ALK: variants seen among roughly 807,000 people sequenced by gnomAD.
ALK encodes the protein ALK tyrosine kinase receptor.
A neutral mutation model predicts 163.1 loss-of-function variants in ALK; 74 were observed. The observed-to-expected ratio is 0.45, with a 90% confidence interval of 0.38 to 0.55. The LOEUF is 0.55. Ranked by LOEUF, ALK falls within the 20% of genes least tolerant of loss-of-function variation. ALK has a pLI of 0.00. For synonymous variants in ALK, 960 were observed against 843.2 expected, an observed-to-expected ratio of 1.14 and a Z score of -2.40; for missense variants, 2,063 against 2,105.3, an observed-to-expected ratio of 0.98 and a Z score of 0.39.
At chr2:29,466,754 A>G (rs1671223525) in intron 4 of ALK, among the ~76,000 whole-genome samples, 1 of 152,244 alleles carries the variant, frequency 6.6e-6, no homozygotes, top group African/African-American at 2.4e-5. Flanking sequence ...AAAGCTGAAG[A>G]GTTTGTTTTG....
chr2:29,487,299 G>A (rs916624033), intron 4 of ALK, among the ~76,000 whole-genome samples: 7 of 152,168 alleles, frequency 4.6e-5, no homozygotes, highest in African/African-American at 9.7e-5. Context: ...AGAGGACAGC[G>A]ATTGAGCCTG....
chr2:29,229,111 T>C, intron 15 of ALK, 45 bp from the exon 16 acceptor site: 1 of 1,581,368 alleles, frequency 6.3e-7, no homozygotes, highest in Non-Finnish European at 8.7e-7. Flanking sequence ...CTGGCAAGGT[T>C]CAATTAGCCA....
At chr2:29,403,331 CCA>C (rs1434666996) in intron 4 of ALK, among the ~76,000 whole-genome samples, 1 of 152,120 alleles carries the variant, frequency 6.6e-6, no homozygotes, top group Non-Finnish European at 1.5e-5. Context: ...GTTCAATTTG[CCA>C]CAGACTCACC....
At chr2:29,880,231 C>A (rs561150257) in intron 1 of ALK, among the ~76,000 whole-genome samples, 3 of 152,322 alleles carry the variant, frequency 2.0e-5, no homozygotes, top group South Asian at 2.1e-4. Flanking sequence ...CTGCTCCATA[C>A]CTTTGTTGCC....
intron 1 of ALK, among the ~76,000 whole-genome samples, chr2:29,805,290 T>G (rs779234393): frequency 1.3e-5 from 2 of 152,228 alleles, no homozygotes; most frequent in South Asian, 2.1e-4. Flanking sequence ...GGAGCACTAT[T>G]TTAAAAAATA....
chr2:29,690,468 T>C (rs1374661988), intron 3 of ALK, among the ~76,000 whole-genome samples: 1 of 152,182 alleles, frequency 6.6e-6, no homozygotes, highest in African/African-American at 2.4e-5. Context: ...TTTCCATTTT[T>C]AAGCCAGGAT....
chr2:29,896,869 T>A (rs2148428347), intron 1 of ALK, among the ~76,000 whole-genome samples: 1 of 152,350 alleles, frequency 6.6e-6, no homozygotes, highest in East Asian at 1.9e-4. Context: ...TTCTGTATTG[T>A]GTAAATACAT....
chr2:29,870,089 G>A (rs940287336), intron 1 of ALK, among the ~76,000 whole-genome samples: 23 of 151,936 alleles, frequency 1.5e-4, no homozygotes, highest in African/African-American at 5.3e-4. Context: ...TTTAAAAGTT[G>A]GTGAGTTAAT....
chr2:29,301,087 A>G (rs917742009), intron 8 of ALK, among the ~76,000 whole-genome samples: 8 of 152,212 alleles, frequency 5.3e-5, no homozygotes, highest in African/African-American at 1.7e-4. Context: ...TTCACCTAGC[A>G]ATCCACACAA....
At chr2:29,403,039 A>G (rs957338967) in intron 4 of ALK, among the ~76,000 whole-genome samples, 1 of 152,186 alleles carries the variant, frequency 6.6e-6, no homozygotes, top group Non-Finnish European at 1.5e-5. Context: ...CTTGGTTGCC[A>G]GAATTTAGTC....
chr2:29,276,438 G>C (rs1406235), intron 9 of ALK, among the ~76,000 whole-genome samples: 121,292 of 152,158 alleles, frequency 0.8, 50,534 homozygotes, highest in Non-Finnish European at 0.91. Flanking sequence ...GGCTAGCAGA[G>C]TCAGCTGGCC....
intron 1 of ALK, among the ~76,000 whole-genome samples, chr2:29,830,713 TAAAAAAAAAAAAAAAAAAAAA>T (rs530774574): frequency 0.011 from 310 of 29,008 alleles, 6 homozygotes; most frequent in African/African-American, 0.031. Flanking sequence ...TAAAATAGTT[TAAAAAAAAAAAAAAAAAAAAA>T]AAAAAAAAAA....
chr2:29,512,004 T>A (rs1672534117), intron 4 of ALK, among the ~76,000 whole-genome samples: 1 of 149,658 alleles, frequency 6.7e-6, no homozygotes. Context: ...ACACTGTGGC[T>A]TGTATTTTGA....
chr2:29,644,042 T>C (rs1377037461), intron 3 of ALK, among the ~76,000 whole-genome samples: 3 of 151,906 alleles, frequency 2.0e-5, no homozygotes. Flanking sequence ...ATGTGGCACA[T>C]ATACACCATG....
At chr2:29,618,892 T>C (rs1389808222) in intron 3 of ALK, among the ~76,000 whole-genome samples, 1 of 151,848 alleles carries the variant, frequency 6.6e-6, no homozygotes, top group Admixed American at 6.6e-5. Context: ...GGCAAAAGAA[T>C]CCCTTGAACC....
intron 11 of ALK, among the ~76,000 whole-genome samples, chr2:29,254,621 T>G (rs1173899355): frequency 6.6e-6 from 1 of 152,202 alleles, no homozygotes; most frequent in Non-Finnish European, 1.5e-5. Flanking sequence ...ACAACCTCTC[T>G]AAGCCTCAGT....
At chr2:29,884,809 C>A (rs1259541057) in intron 1 of ALK, among the ~76,000 whole-genome samples, 1 of 152,058 alleles carries the variant, frequency 6.6e-6, no homozygotes, top group African/African-American at 2.4e-5. Context: ...TTTTAGATGC[C>A]ATGAAGAAAA....
At chr2:29,206,853 A>T (rs1416613583) in intron 26 of ALK, among the ~76,000 whole-genome samples, 1 of 134,478 alleles carries the variant, frequency 7.4e-6, no homozygotes, top group African/African-American at 3.1e-5. Flanking sequence ...TTAAAATTAC[A>T]TGTGGCTGTT....
At chr2:29,602,988 A>T (rs1675420515) in intron 3 of ALK, among the ~76,000 whole-genome samples, 1 of 152,232 alleles carries the variant, frequency 6.6e-6, no homozygotes, top group East Asian at 1.9e-4. Flanking sequence ...CTGTCTGGAA[A>T]GGCAGGACAA....
Sources: gnomAD v4.1 joint callset for allele counts (sites outside exome capture counted in the v4.1 genomes callset) on GRCh38, gnomAD v4.1.1 for gene constraint, MANE v1.5 for transcripts, NCBI Gene and HGNC (gene_info 2026-07-23, HGNC 2026-07-21) for gene names.